TSPAN3: variants seen among roughly 807,000 people sequenced by gnomAD.
TSPAN3 encodes tetraspanin 3.
Under a neutral mutation model 31.1 loss-of-function variants are expected in TSPAN3, and 9 were observed. That is an observed-to-expected ratio of 0.29 (90% confidence interval 0.17 to 0.50). TSPAN3 has a LOEUF of 0.50. TSPAN3 is among the 20% of genes least tolerant of loss of function. The pLI is 0.98. For synonymous variants in TSPAN3, 129 were observed against 114.3 expected (o/e 1.13, Z -0.82); for missense variants, 252 against 313.5 (o/e 0.80, Z 1.48).
chr15:77,049,533 T>C (rs1188333621), intron 6 of TSPAN3, among the ~76,000 whole-genome samples: 1 of 152,206 alleles, frequency 6.6e-6, no homozygotes, highest in Non-Finnish European at 1.5e-5. Flanking sequence ...ATAAAATTCA[T>C]AATTGATCAT....
intron 1 of TSPAN3, chr15:77,068,447 C>A (rs1277487390): frequency 6.6e-6 from 1 of 152,146 alleles, no homozygotes; most frequent in African/African-American, 2.4e-5. Context: ...AAATAAAAAT[C>A]TAATTTAAAG....
chr15:77,053,494 A>G (rs921206066), intron 4 of TSPAN3, among the ~76,000 whole-genome samples: 1 of 124,916 alleles, frequency 8.0e-6, no homozygotes. Flanking sequence ...AAAAAAAAAA[A>G]GAAAAGAAAA....
At chr15:77,047,582 T>C (rs2076702679) in intron 6 of TSPAN3, among the ~76,000 whole-genome samples, 2 of 152,250 alleles carry the variant, frequency 1.3e-5, no homozygotes, top group Admixed American at 1.3e-4. Context: ...TGGTATTACA[T>C]ACATATTACT....
chr15:77,063,405 G>T (rs1352244080), intron 1 of TSPAN3: 8 of 150,982 alleles, frequency 5.3e-5, no homozygotes, highest in Non-Finnish European at 1.5e-5. Context: ...TTAAGACAGG[G>T]TCTTGCTATG....
Position 77,055,999 on chromosome 15 carries a change from A to T in TSPAN3, c.255+65T>A, listed in dbSNP as rs111545013. The T allele has an allele frequency of 5.0e-3, 7,559 of 1,526,294 alleles. 171 individuals are homozygous for T. The East Asian group carries it at 0.06, about 12-fold the overall frequency. 94.5% of individuals were successfully genotyped at this position (1,526,294 alleles called of 1,614,324 possible). A position where few individuals can be genotyped will look rare whatever the true frequency, so the allele number is the denominator to read the frequency against. ...TCTGTTCCAACTATAAGAGCCAAGG[A>T]GTCTCATGTTCAAGGAGAGTAGCAT... On this transcript the variant is annotated intron_variant, in intron 2 of 6. Coordinates refer to ENST00000267970, the MANE Select transcript of TSPAN3 (RefSeq NM_005724.6).
intron 1 of TSPAN3, among the ~76,000 whole-genome samples, chr15:77,057,704 T>G (rs1294892066): frequency 6.6e-6 from 1 of 152,178 alleles, no homozygotes; most frequent in Non-Finnish European, 1.5e-5. Context: ...TTCATTCTCT[T>G]CACGGACTCT....
rs890729062 is a variant in TSPAN3 at position 77,043,284 on chromosome 15, G to T, written c.*3551C>A. Reference sequence around the variant, plus strand: ...TTTCTCTTCCCTTAGCCCTAGGGGTGATGGCTGTTCTCTGCTAAGCTGCTT... The same window carrying T: ...TTTCTCTTCCCTTAGCCCTAGGGGTTATGGCTGTTCTCTGCTAAGCTGCTT... On this transcript the variant is annotated 3_prime_UTR_variant, in exon 7 of 7. Transcript: ENST00000267970. 1.3e-5 allele frequency: 2 copies of T among 152,260 alleles called. No homozygotes were observed. Among genetic ancestry groups the T allele is most frequent in the African/African-American group, 2.4e-5 (1 of 41,436 alleles). 9.4% of individuals were successfully genotyped at this position (152,260 alleles called of 1,614,324 possible).
Position 77,045,842 on chromosome 15 carries a change from A to AT in TSPAN3, c.*992dup, listed in dbSNP as rs1338017123. The AT allele has an allele frequency of 1.3e-5, 2 of 152,344 alleles. No individual in the cohort carries two copies. The highest frequency in any genetic ancestry group is 6.5e-5 in the Admixed American group (1 of 15,306). 9.4% of individuals were successfully genotyped at this position (152,344 alleles called of 1,614,324 possible). On this transcript the variant is annotated 3_prime_UTR_variant, in exon 7 of 7. Coordinates refer to ENST00000267970, the MANE Select transcript of TSPAN3 (RefSeq NM_005724.6). ...AGTGCATTGCACAAAGTAGAGCTCT[A>AT]TATTTCTAGGATATACTGGACTGAA...
chr15:77,052,919 C>A lies in TSPAN3; in HGVS notation c.443G>T (p.Cys148Phe). 6.2e-7 allele frequency: 1 copy of A among 1,613,196 alleles called. No homozygotes were observed. ...IDYVQRQLHC[C>F]GIHNYSDWEN... ...CCAGTCTGAGTAGTTGTGAATTCCA[C>A]AACAATGCAGCTAAAGGAGAAGAGA... Residue 148 changes from cysteine to phenylalanine, a missense_variant, in exon 5 of 7, where the codon TGT becomes TTT. Cys to Phe is a radical substitution (Grantham distance 205, BLOSUM62 -2). Coordinates refer to ENST00000267970, the MANE Select transcript of TSPAN3 (RefSeq NM_005724.6).
Position 77,071,084 on chromosome 15 carries a change from G to T in TSPAN3, c.-130C>A, listed in dbSNP as rs1430850321. On this transcript the variant is annotated 5_prime_UTR_variant, in exon 1 of 7. Transcript: ENST00000267970. The stretch of plus-strand genomic sequence containing the variant: ...CGGCGCTCCCCGCAGCCCCTGCGCC[G>T]TCGCGCAGCCCCGACCCCAGCAAGT... 3 of 547,164 alleles carry T rather than the reference G, an allele frequency of 5.5e-6. No individual in the cohort carries two copies. Among genetic ancestry groups the T allele is most frequent in the South Asian group, 1.2e-4 (2 of 16,310 alleles). 33.9% of individuals were successfully genotyped at this position (547,164 alleles called of 1,614,324 possible).
At chr15:77,051,624 G>C (rs1162704543) in intron 6 of TSPAN3, among the ~76,000 whole-genome samples, 1 of 151,770 alleles carries the variant, frequency 6.6e-6, no homozygotes, top group Non-Finnish European at 1.5e-5. Flanking sequence ...CCAAGACAGA[G>C]GATTGCTTGA....
chr15:77,049,860 C>G (rs2076718462), intron 6 of TSPAN3, among the ~76,000 whole-genome samples: 1 of 152,182 alleles, frequency 6.6e-6, no homozygotes, highest in South Asian at 2.1e-4. Flanking sequence ...TTTTATCCAG[C>G]TAAAGTGTCA....
chr15:77,043,468 T>C lies in TSPAN3; in HGVS notation c.*3367A>G, dbSNP rs1411771195. 1 of 152,206 alleles carries C rather than the reference T, an allele frequency of 6.6e-6. No homozygotes were observed. Among genetic ancestry groups the C allele is most frequent in the African/African-American group, 2.4e-5 (1 of 41,448 alleles). The allele number at this position is 152,206 out of a possible 1,614,324, so 9.4% of individuals were successfully genotyped here. On this transcript the variant is annotated 3_prime_UTR_variant, in exon 7 of 7. Coordinates refer to ENST00000267970, the MANE Select transcript of TSPAN3 (RefSeq NM_005724.6). The stretch of plus-strand genomic sequence containing the variant: ...CAGATGGGCATTGTGTGCCTCGAGA[T>C]GCGATGCCCTGAGAGGCCGCGTGAC...
At chr15:77,059,143 C>T (rs1354195787) in intron 1 of TSPAN3, among the ~76,000 whole-genome samples, 1 of 152,120 alleles carries the variant, frequency 6.6e-6, no homozygotes, top group Non-Finnish European at 1.5e-5. Flanking sequence ...AGTGCAGTGG[C>T]GCAATCTCAG....
In TSPAN3 at chr15:77,052,798, G is replaced by A. The variant is rs1432274953; in HGVS notation, c.564C>T (p.His188=). Residue 188 remains histidine (H), a synonymous_variant, in exon 5 of 7, where the codon CAC becomes CAT. Coordinates refer to ENST00000267970, the MANE Select transcript of TSPAN3 (RefSeq NM_005724.6). ...TASNCNGSLA[H]PSDLYAEGCE... is the part of the protein sequence containing the mutation. ...TCACCTCAGCATAGAGGTCGGAAGGGTGGGCCAGGCTGCCATTACAATTGC... is the reference window on the plus strand; with the variant it reads ...TCACCTCAGCATAGAGGTCGGAAGGATGGGCCAGGCTGCCATTACAATTGC... 1 of 1,614,120 alleles carries A rather than the reference G, an allele frequency of 6.2e-7. No individual in the cohort carries two copies. Among genetic ancestry groups the A allele is most frequent in the South Asian group, 1.1e-5 (1 of 91,086 alleles).
chr15:77,054,902 A>G (rs2076758312), intron 3 of TSPAN3: 1 of 152,294 alleles, frequency 6.6e-6, no homozygotes, highest in Non-Finnish European at 1.5e-5. Flanking sequence ...AGTATCACTT[A>G]GTAAAGTTTG....
At chr15:77,059,857 C>A (rs141276008) in intron 1 of TSPAN3, among the ~76,000 whole-genome samples, 2 of 152,262 alleles carry the variant, frequency 1.3e-5, no homozygotes, top group East Asian at 3.9e-4. Flanking sequence ...AGTTTTCAAT[C>A]TAAAGAGGTT....
intron 6 of TSPAN3, among the ~76,000 whole-genome samples, chr15:77,050,695 T>C (rs2152695292): frequency 6.6e-6 from 1 of 152,354 alleles, no homozygotes; most frequent in Non-Finnish European, 1.5e-5. Flanking sequence ...AGAATTCTAT[T>C]TGGGAAAAGA....
chr15:77,065,249 T>C (rs1568545879), intron 1 of TSPAN3, among the ~76,000 whole-genome samples: 1 of 152,210 alleles, frequency 6.6e-6, no homozygotes, highest in Non-Finnish European at 1.5e-5. Context: ...TTCTTGTTTA[T>C]TTTTGTGTGT....
Sources: gnomAD v4.1 joint callset for allele counts (sites outside exome capture counted in the v4.1 genomes callset) on GRCh38, gnomAD v4.1.1 for gene constraint, MANE v1.5 for transcripts, NCBI Gene and HGNC (gene_info 2026-07-23, HGNC 2026-07-21) for gene names.